The following UST variants were observed in gnomAD, a reference collection of about 807,000 sequenced individuals.
The protein encoded by UST is uronyl 2-sulfotransferase.
UST carries 21 observed loss-of-function variants against 45.6 expected under a neutral mutation model. The ratio of observed to expected loss-of-function variants is 0.46; its 90% CI spans 0.33 to 0.66. The LOEUF is 0.66. UST is among the 30% of genes least tolerant of loss of function. UST has a pLI of 0.02. For missense variants in UST, 463 were observed against 512.4 expected (o/e 0.90, Z 0.93); for synonymous variants, 215 against 200.6 (o/e 1.07, Z -0.61).
chr6:148,899,671 A>C (rs1779210289), intron 2 of UST, among the ~76,000 whole-genome samples: 1 of 152,262 alleles, frequency 6.6e-6, no homozygotes, highest in Non-Finnish European at 1.5e-5. Context: ...AAAGTCGTGC[A>C]TGCACGTAAC....
chr6:148,961,454 A>G (rs1780656254), intron 4 of UST, among the ~76,000 whole-genome samples: 1 of 152,252 alleles, frequency 6.6e-6, no homozygotes, highest in Non-Finnish European at 1.5e-5. Context: ...AGATTATAAA[A>G]TGAAGGGAAA....
intron 1 of UST, among the ~76,000 whole-genome samples, chr6:148,844,839 A>G (rs573679969): frequency 2.6e-5 from 4 of 152,174 alleles, no homozygotes; most frequent in East Asian, 1.9e-4. Flanking sequence ...TTATATCCAT[A>G]TGTGCTTAAT....
chr6:149,013,548 A>T (rs1775850635), intron 5 of UST, among the ~76,000 whole-genome samples: 2 of 152,126 alleles, frequency 1.3e-5, no homozygotes, highest in South Asian at 4.1e-4. Flanking sequence ...AGAAAAAAAA[A>T]GTTGGTACCA....
intron 7 of UST, among the ~76,000 whole-genome samples, chr6:149,056,282 A>C (rs1444921993): frequency 3.3e-5 from 5 of 151,714 alleles, no homozygotes; most frequent in African/African-American, 1.2e-4. Context: ...TAATTTTTGC[A>C]TTTTTAGTGG....
At chr6:148,785,069 C>T (rs1223858519) in intron 1 of UST, among the ~76,000 whole-genome samples, 4 of 152,052 alleles carry the variant, frequency 2.6e-5, no homozygotes, top group African/African-American at 7.2e-5. Context: ...GGCTTGGCGG[C>T]GTGTGCCTGT....
chr6:149,074,065 C>T lies in UST; in HGVS notation c.1170C>T (p.Asp390=), dbSNP rs370622237. Residue 390 remains aspartate (D), a synonymous_variant, in exon 8 of 8, where the codon GAC becomes GAT. Transcript: ENST00000367463. ...CACTGGAAACCGAGGAGCCAATCGA[C>T]GATGAAGAACAGGATGATGAAAAGT... ...PTPLETEEPI[D]DEEQDDEKWL... 16 of 1,613,970 alleles carry T rather than the reference C, an allele frequency of 9.9e-6. No individual in the cohort carries two copies. The highest frequency in any genetic ancestry group is 4.0e-5 in the African/African-American group (3 of 74,882).
chr6:148,869,656 C>T (rs1018286457), intron 1 of UST, among the ~76,000 whole-genome samples: 37 of 152,352 alleles, frequency 2.4e-4, no homozygotes, highest in East Asian at 1.3e-3. Flanking sequence ...CATCCACACA[C>T]GCTTCCTAAA....
intron 2 of UST, among the ~76,000 whole-genome samples, chr6:148,925,285 T>A (rs1779790263): frequency 6.6e-6 from 1 of 152,190 alleles, no homozygotes; most frequent in African/African-American, 2.4e-5. Flanking sequence ...GGAGCAGATG[T>A]TTAAGGTGCT....
In UST at chr6:149,021,380, T is replaced by C; in HGVS notation, c.836T>C (p.Leu279Pro). ...RAKLNVNENF[L>P]LVGILEELED... ...AAGCTGAACGTGAATGAAAACTTCC[T>C]GCTCGTGGGGATTCTTGAAGAGTTG... Residue 279 changes from leucine (L) to proline (P), a missense_variant, in exon 7 of 8, where the codon CTG becomes CCG. By Grantham distance (98) the Leu-to-Pro change is moderately conservative (BLOSUM62 -3). This residue lies in a region of UST where 287 missense variants were observed against 374.2 expected (regional missense o/e 0.77). Coordinates refer to ENST00000367463, the MANE Select transcript of UST (RefSeq NM_005715.3). 6.2e-7 allele frequency: 1 copy of C among 1,614,218 alleles called. No individual in the cohort carries two copies. The highest frequency in any genetic ancestry group is 2.2e-5 in the East Asian group (1 of 44,886).
intron 1 of UST, among the ~76,000 whole-genome samples, chr6:148,873,120 T>A (rs1011856213): frequency 6.6e-6 from 1 of 152,208 alleles, no homozygotes. Flanking sequence ...ACAAATGTGA[T>A]GCTGAAATTT....
intron 5 of UST, among the ~76,000 whole-genome samples, chr6:148,989,323 G>C (rs1339678477): frequency 2.6e-5 from 4 of 151,374 alleles, no homozygotes; most frequent in African/African-American, 9.7e-5. Context: ...GGAAATTTCA[G>C]AGCCTTCCTT....
At chr6:149,052,657 G>A (rs1244112280) in intron 7 of UST, among the ~76,000 whole-genome samples, 1 of 152,146 alleles carries the variant, frequency 6.6e-6, no homozygotes, top group East Asian at 1.9e-4. Context: ...GAGGGAGATG[G>A]GGTAGCTAGA....
chr6:148,758,176 A>G (rs1330194630), intron 1 of UST, among the ~76,000 whole-genome samples: 2 of 152,200 alleles, frequency 1.3e-5, no homozygotes, highest in Admixed American at 6.5e-5. Context: ...CTGACTTCCA[A>G]TTGAAAGAAG....
chr6:148,922,256 C>T (rs1025835124), intron 2 of UST, among the ~76,000 whole-genome samples: 1 of 152,126 alleles, frequency 6.6e-6, no homozygotes, highest in Non-Finnish European at 1.5e-5. Flanking sequence ...CCACATCCCC[C>T]ATGACCTCCA....
Position 148,982,937 on chromosome 6 carries a change from A to G in UST, c.681+18374A>G, listed in dbSNP as rs1450253924. ...CTTGGGCCTCCCTTTTTAATCCAGT[A>G]TTGATTTAAATGTTTTTGATAAAAG... is the stretch of plus-strand genomic sequence containing the variant. On this transcript the variant is annotated intron_variant, in intron 5 of 7. Coordinates refer to ENST00000367463, the MANE Select transcript of UST (RefSeq NM_005715.3). Among the ~76,000 whole-genome samples, 6 of 152,312 alleles carry G rather than the reference A, an allele frequency of 3.9e-5. No individual in the cohort carries two copies. The East Asian group carries it at 1.2e-3, about 29-fold the overall frequency.
At chr6:149,041,143 CT>C (rs2115031100) in intron 7 of UST, among the ~76,000 whole-genome samples, 1 of 152,354 alleles carries the variant, frequency 6.6e-6, no homozygotes, top group East Asian at 1.9e-4. Flanking sequence ...GGTGCACTTA[CT>C]GTGGGCCAGA....
chr6:148,811,793 G>A (rs1377868681), intron 1 of UST, among the ~76,000 whole-genome samples: 2 of 152,232 alleles, frequency 1.3e-5, no homozygotes, highest in Non-Finnish European at 2.9e-5. Flanking sequence ...CTTGGAAGCT[G>A]CGGGTCTTCA....
intron 1 of UST, among the ~76,000 whole-genome samples, chr6:148,821,143 G>A (rs1777457363): frequency 6.6e-6 from 1 of 151,032 alleles, no homozygotes; most frequent in South Asian, 2.1e-4. Flanking sequence ...CTAATTTTGT[G>A]TATTTTCAGT....
chr6:148,985,329 G>A (rs548919084), intron 5 of UST, among the ~76,000 whole-genome samples: 1 of 152,254 alleles, frequency 6.6e-6, no homozygotes, highest in African/African-American at 2.4e-5. Flanking sequence ...TATCAGGGAT[G>A]AGGATAAAAG....
Sources: gnomAD v4.1 joint callset for allele counts (sites outside exome capture counted in the v4.1 genomes callset) on GRCh38, gnomAD v4.1.1 for gene constraint, gnomAD v4.1.1 regional missense constraint, MANE v1.5 for transcripts, NCBI Gene and HGNC (gene_info 2026-07-23, HGNC 2026-07-21) for gene names.